EPPK1: variants seen among roughly 807,000 people sequenced by gnomAD.
EPPK1 encodes epiplakin 1.
For missense variants in EPPK1, 3,823 were observed against 3,673.3 expected (o/e 1.04, Z -1.05); for synonymous variants, 1,862 against 1,721.2 (o/e 1.08, Z -2.03).
rs1043843658 is a variant in EPPK1, at chr8:143,857,899, A to G, written c.*88T>C. The G allele has an allele frequency of 1.9e-5, 10 of 533,232 alleles. No homozygotes were observed. The highest frequency in any genetic ancestry group is 2.8e-5 in the Non-Finnish European group (10 of 356,038). The allele number at this position is 533,232 out of a possible 1,614,324, so 33.0% of individuals were successfully genotyped here. A position where few individuals can be genotyped will look rare whatever the true frequency, so the allele number is the denominator to read the frequency against. Reference sequence around the variant, plus strand: ...AAACAACAAAATTAAAGAATGACAAAAAAAAAAAAAAAAAAAAAAACAACC... The same window carrying G: ...AAACAACAAAATTAAAGAATGACAAGAAAAAAAAAAAAAAAAAAAACAACC... On this transcript the variant is annotated 3_prime_UTR_variant, in exon 2 of 2. Coordinates refer to ENST00000615648, the MANE Select transcript of EPPK1 (RefSeq NM_031308.4).
intron 1 of EPPK1, among the ~76,000 whole-genome samples, chr8:143,877,351 C>T (rs562839484): frequency 1.2e-4 from 18 of 152,170 alleles, no homozygotes; most frequent in African/African-American, 3.9e-4. Context: ...GGTGCAGCTT[C>T]GAGTGTGGGG....
chr8:143,870,571 CCTCCAGGAGCTGGTGGACGGTGACCCGG>C lies in EPPK1; in HGVS notation c.2655_2682del (p.Ser885ArgfsTer57). Reference sequence around the variant, plus strand: ...AACAGCTGCTGGTCAATGATACCGGCCTCCAGGAGCTGGTGGACGGTGACCCGGCTCCGCAGTGCGGGCAGCATGATGT... The same window carrying C: ...AACAGCTGCTGGTCAATGATACCGGCCTCCGCAGTGCGGGCAGCATGATGT... On this transcript the variant is annotated frameshift_variant, in exon 2 of 2. Coordinates refer to ENST00000615648, the MANE Select transcript of EPPK1 (RefSeq NM_031308.4). LOFTEE classifies it low-confidence loss of function (END_TRUNC). The surrounding 1 kb of genome is among the most constrained non-coding windows in gnomAD (Gnocchi z 5.2). 1 of 1,611,378 alleles carries C rather than the reference CCTCCAGGAGCTGGTGGACGGTGACCCGG, an allele frequency of 6.2e-7. No homozygotes were observed. The highest frequency in any genetic ancestry group is 2.2e-5 in the East Asian group (1 of 44,860).
intron 1 of EPPK1, 64 bp downstream of exon 1, chr8:143,878,374 T>TGCCCGCACCC (rs1239932997): frequency 1.4e-4 from 13 of 92,294 alleles, no homozygotes; most frequent in African/African-American, 5.8e-4. Context: ...CCGCCGCACC[T>TGCCCGCACCC]GCCCGCACCC....
chr8:143,869,651 A>T lies in EPPK1; in HGVS notation c.3603T>A (p.Gly1201=). 1 of 1,590,616 alleles carries T rather than the reference A, an allele frequency of 6.3e-7. No homozygotes were observed. The highest frequency in any genetic ancestry group is 8.6e-7 in the Non-Finnish European group (1 of 1,169,096). The change falls in exon 2 of 2, where the codon GGT becomes GGA. Residue 1201 remains glycine, a synonymous_variant. Transcript: ENST00000615648. ...CCAGCAGCCAGACAGCGGGTACCTC[A>T]CCCCGTGGGCCGGGCACCATGACGC... ...QARVMVPGPR[G]EVPAVWLLDA... is the part of the protein sequence containing the mutation.
chr8:143,869,446 G>A lies in EPPK1; in HGVS notation c.3808C>T (p.Leu1270Phe), dbSNP rs1554660344. 1.3e-6 allele frequency: 2 copies of A among 1,578,270 alleles called. No homozygotes were observed. The highest frequency in any genetic ancestry group is 1.7e-6 in the Non-Finnish European group (2 of 1,166,592). The change falls in exon 2 of 2, where the codon CTC becomes TTC. Residue 1270 changes from leucine (L) to phenylalanine (F), a missense_variant. Coordinates refer to ENST00000615648, the MANE Select transcript of EPPK1 (RefSeq NM_031308.4). ...CTCTGGCCCAGGCCTGTGGGCAGGAGGCCATCCCTCACGGCCTGGGCGATG... is the reference window on the plus strand; with the variant it reads ...CTCTGGCCCAGGCCTGTGGGCAGGAAGCCATCCCTCACGGCCTGGGCGATG... ...ASIAQAVRDG[L>F]LPTGLGQRLL...
At position 143,867,706 on chromosome 8, in the gene EPPK1, T is replaced by C. The variant is rs1328917596; in HGVS notation, c.5548A>G (p.Ile1850Val). 5.0e-6 allele frequency: 8 copies of C among 1,613,582 alleles called. No individual in the cohort carries two copies. The highest frequency in any genetic ancestry group is 6.8e-6 in the Non-Finnish European group (8 of 1,179,870). ...TCTGCAGCTGTCACCTCCCCTCTGATGGCCGCCACTTTGATGCCTTGGTTT... is the reference window on the plus strand; with the variant it reads ...TCTGCAGCTGTCACCTCCCCTCTGACGGCCGCCACTTTGATGCCTTGGTTT... Reference protein sequence around the residue: ...TQNQGIKVAAIRGEVTAADLF... With the variant: ...TQNQGIKVAAVRGEVTAADLF... Residue 1850 changes from isoleucine to valine, a missense_variant, in exon 2 of 2, where the codon ATC becomes GTC. Physicochemically the swap from Ile to Val is conservative, Grantham distance 29. Coordinates refer to ENST00000615648, the MANE Select transcript of EPPK1 (RefSeq NM_031308.4).
In EPPK1 at chr8:143,872,639, C is replaced by T. The variant is rs369974387; in HGVS notation, c.615G>A (p.Thr205=). 6.3e-5 allele frequency: 102 copies of T among 1,609,734 alleles called. No homozygotes were observed. The African/African-American group carries it at 9.1e-4, about 14-fold the overall frequency. The change falls in exon 2 of 2, where the codon ACG becomes ACA. Residue 205 remains threonine, a synonymous_variant. Coordinates refer to ENST00000615648, the MANE Select transcript of EPPK1 (RefSeq NM_031308.4). ...TGDLRFLDPN[T]LERLTYHQLL... ...GCTGGTGGTATGTCAGCCGCTCCAGCGTGTTGGGGTCGAGGAAGCGCAGGT... is the reference window on the plus strand; with the variant it reads ...GCTGGTGGTATGTCAGCCGCTCCAGTGTGTTGGGGTCGAGGAAGCGCAGGT...
Position 143,871,120 on chromosome 8 carries a change from CG to C in EPPK1, c.2133del (p.Ile711MetfsTer43). The C allele has an allele frequency of 6.2e-7, 1 of 1,613,194 alleles. No homozygotes were observed. The highest frequency in any genetic ancestry group is 8.5e-7 in the Non-Finnish European group (1 of 1,180,024). On this transcript the variant is annotated frameshift_variant, in exon 2 of 2. Coordinates refer to ENST00000615648, the MANE Select transcript of EPPK1 (RefSeq NM_031308.4). LOFTEE classifies it low-confidence loss of function (END_TRUNC). ...AGCAGGCGGATGCCGTGCTCCCGGA[CG>C]ATGAGGCCCTTCTGCATGGCCTGGA... ...SLFQAMQKGL[I>X]VREHGIRLLE... is the part of the protein sequence containing the mutation.
chr8:143,876,476 G>A (rs781816030), intron 1 of EPPK1, among the ~76,000 whole-genome samples: 2 of 152,172 alleles, frequency 1.3e-5, no homozygotes, highest in Non-Finnish European at 1.5e-5. Flanking sequence ...ATCTGCTTCT[G>A]GGGGGTACAT....
chr8:143,875,640 A>G (rs1554662229), intron 1 of EPPK1, among the ~76,000 whole-genome samples: 1 of 152,250 alleles, frequency 6.6e-6, no homozygotes, highest in Non-Finnish European at 1.5e-5. Context: ...GAGGCTGCAG[A>G]CGTCTGGCCA....
chr8:143,873,330 C>T lies in EPPK1; in HGVS notation c.-45-32G>A, dbSNP rs370508862. ...GGGACAGAAAGGCTCAATCAGGGAC[C>T]CCGCATGGCCTGGTGGGCACGAGGG... On this transcript the variant is annotated intron_variant, in intron 1 of 1. Transcript: ENST00000615648. 7.2e-5 allele frequency: 101 copies of T among 1,397,960 alleles called. No individual in the cohort carries two copies. In the Middle Eastern group the frequency reaches 7.5e-4, roughly 10 times the overall value. The allele number at this position is 1,397,960 out of a possible 1,614,324, so 86.6% of individuals were successfully genotyped here.
In EPPK1 at chr8:143,872,451, G is replaced by A; in HGVS notation, c.803C>T (p.Ala268Val). The A allele has an allele frequency of 6.3e-7, 1 of 1,596,306 alleles. No individual in the cohort carries two copies. Among genetic ancestry groups the A allele is most frequent in the Non-Finnish European group, 8.5e-7 (1 of 1,177,120 alleles). ...VQGLREGRLA[A>V]VDVSARAEVR... ...CTCGGCACGTGCACTCACGTCCACT[G>A]CGGCCAGCCTGCCCTCCCGCAGACC... The change falls in exon 2 of 2, where the codon GCA becomes GTA. Residue 268 changes from alanine to valine, a missense_variant. Ala to Val is a moderately conservative substitution (Grantham distance 64). Transcript: ENST00000615648.
rs1376154751 is a variant in EPPK1 at position 143,878,444 on chromosome 8, G to T, written c.-52C>A. The T allele has an allele frequency of 1.1e-5, 1 of 93,838 alleles. No individual in the cohort carries two copies. Among genetic ancestry groups the T allele is most frequent in the African/African-American group, 4.9e-5 (1 of 20,466 alleles). 5.8% of individuals were successfully genotyped at this position (93,838 alleles called of 1,614,324 possible). On this transcript the variant is annotated 5_prime_UTR_variant, in exon 1 of 2. Coordinates refer to ENST00000615648, the MANE Select transcript of EPPK1 (RefSeq NM_031308.4). ...CCCGCCGCACCCGCCGCACCTGCCCGCTCGCCGCTCGGTCCGCAGTGTCTC... is the reference window on the plus strand; with the variant it reads ...CCCGCCGCACCCGCCGCACCTGCCCTCTCGCCGCTCGGTCCGCAGTGTCTC...
In EPPK1 at chr8:143,878,086, G is replaced by C. The variant is rs1477773271; in HGVS notation, c.-46+352C>G. ...GCAGAGCGTGCCCCGGGCGGTCCTC[G>C]CTGCAGGGAAAACCGCTGGGCCTGC... On this transcript the variant is annotated intron_variant, in intron 1 of 1. Transcript: ENST00000615648. Among the ~76,000 whole-genome samples the C allele has an allele frequency of 3.9e-5, 6 of 152,146 alleles. No homozygotes were observed. In the East Asian group the frequency reaches 1.2e-3, roughly 29 times the overall value.
At chr8:143,878,152 G>A (rs2130664535) in intron 1 of EPPK1, among the ~76,000 whole-genome samples, 1 of 152,090 alleles carries the variant, frequency 6.6e-6, no homozygotes, top group East Asian at 1.9e-4. Flanking sequence ...GAGGGCTCGG[G>A]GCCGGCGCCT....
intron 1 of EPPK1, among the ~76,000 whole-genome samples, chr8:143,877,542 G>A (rs1163253803): frequency 6.6e-6 from 1 of 152,166 alleles, no homozygotes; most frequent in African/African-American, 2.4e-5. Flanking sequence ...GAGGAGGGTG[G>A]GTCTGCATCT....
chr8:143,857,958 TTGCAGAAAAC>T lies in EPPK1; in HGVS notation c.*19_*28del. ...CAAGTATGCCTCCACTTCTCCAGAG[TTGCAGAAAAC>T]TGCACGGAGGAAGCCCAGTCACTGT... On this transcript the variant is annotated 3_prime_UTR_variant, in exon 2 of 2. Coordinates refer to ENST00000615648, the MANE Select transcript of EPPK1 (RefSeq NM_031308.4). 5 of 1,398,042 alleles carry T rather than the reference TTGCAGAAAAC, an allele frequency of 3.6e-6. No homozygotes were observed. In the South Asian group the frequency reaches 6.8e-5, roughly 19 times the overall value. 86.6% of individuals were successfully genotyped at this position (1,398,042 alleles called of 1,614,324 possible).
At position 143,871,862 on chromosome 8, in the gene EPPK1, G is replaced by C. The variant is rs1563887419; in HGVS notation, c.1392C>G (p.Ala464=). The C allele has an allele frequency of 6.2e-7, 1 of 1,611,154 alleles. No homozygotes were observed. Among genetic ancestry groups the C allele is most frequent in the Non-Finnish European group, 8.5e-7 (1 of 1,179,764 alleles). ...GGGGTCCCCCTGAGAGTGGCAGGAA[G>C]GCAAGCCCGGTCTCTGGGTCGGTGA... ...LCVTDPETGL[A]FLPLSGGPRG... Residue 464 remains alanine (A), a synonymous_variant, in exon 2 of 2, where the codon GCC becomes GCG. Transcript: ENST00000615648.
rs1157956871 is a variant in EPPK1, at chr8:143,859,419, G to T, written c.13835C>A (p.Ala4612Glu). Reference sequence around the variant, plus strand: ...CAGCTCCTCCACGGTCAGCGTGCCCGCCCGGTATCTGCTCAGCAGGTCCTG... The same window carrying T: ...CAGCTCCTCCACGGTCAGCGTGCCCTCCCGGTATCTGCTCAGCAGGTCCTG... ...RRQDLLSRYR[A>E]GTLTVEELGA... The change falls in exon 2 of 2, where the codon GCG becomes GAG. Residue 4612 changes from alanine to glutamate, a missense_variant. Ala to Glu is a moderately radical substitution (Grantham distance 107, BLOSUM62 -1). Coordinates refer to ENST00000615648, the MANE Select transcript of EPPK1 (RefSeq NM_031308.4). 1 of 373,586 alleles carries T rather than the reference G, an allele frequency of 2.7e-6. No individual in the cohort carries two copies. The allele number at this position is 373,586 out of a possible 1,614,324, so 23.1% of individuals were successfully genotyped here.
Sources: allele counts gnomAD v4.1 joint callset (sites outside exome capture counted in the v4.1 genomes callset), GRCh38; gene constraint gnomAD v4.1.1; non-coding constraint Gnocchi (gnomAD v3.1); transcripts MANE v1.5; gene names NCBI Gene and HGNC (gene_info 2026-07-23, HGNC 2026-07-21).